The following EPB41 variants were observed in gnomAD, a reference collection of about 807,000 sequenced individuals.
The protein encoded by EPB41 is protein 4.1.
A neutral mutation model predicts 108.0 loss-of-function variants in EPB41; 65 were observed. That is an observed-to-expected ratio of 0.60 (90% CI 0.49 to 0.74). The LOEUF (loss-of-function observed/expected upper bound fraction) is 0.74. Ranked by LOEUF, EPB41 falls within the 30% of genes least tolerant of loss-of-function variation. EPB41 has a pLI of 0.00. For missense variants in EPB41, 875 were observed against 1,037.0 expected (o/e 0.84, Z 2.15); for synonymous variants, 336 against 358.9 (o/e 0.94, Z 0.72).
chr1:29,113,098 G>A (rs1669755712), intron 19 of EPB41, among the ~76,000 whole-genome samples: 2 of 152,166 alleles, frequency 1.3e-5, no homozygotes, highest in African/African-American at 4.8e-5. Flanking sequence ...GGTTGATCTA[G>A]ATAATTTCTG....
rs1440696341 is a variant in EPB41, at chr1:29,085,143, T to TC, written c.2185-12664_2185-12663insC. ...AGTTTTGGAAATACTTTGATCTTCT[T>TC]TTTTTTTTTTTTTTTTTTGAGTTGG... On this transcript the variant is annotated intron_variant, in intron 16 of 20. Coordinates refer to ENST00000343067, the MANE Select transcript of EPB41 (RefSeq NM_001376013.1). Among the ~76,000 whole-genome samples the TC allele has an allele frequency of 8.5e-5, 12 of 141,424 alleles. 1 individual carries two copies. The highest frequency in any genetic ancestry group is 2.1e-4 in the Admixed American group (3 of 14,072). 92.8% of individuals were successfully genotyped at this position (141,424 alleles called of 152,430 possible). A position where few individuals can be genotyped will look rare whatever the true frequency, so the allele number is the denominator to read the frequency against.
intron 4 of EPB41, among the ~76,000 whole-genome samples, chr1:28,999,482 T>TG (rs1166701249): frequency 6.6e-6 from 1 of 152,194 alleles, no homozygotes; most frequent in African/African-American, 2.4e-5. Flanking sequence ...AGTTACATTG[T>TG]GGGGAAAAAA....
rs1199703346 is a variant in EPB41, at chr1:28,993,341, A to G, written c.480A>G (p.Glu160=). 1 of 1,612,558 alleles carries G rather than the reference A, an allele frequency of 6.2e-7. No individual in the cohort carries two copies. The highest frequency in any genetic ancestry group is 8.5e-7 in the Non-Finnish European group (1 of 1,179,944). Residue 160 remains glutamate, a synonymous_variant, in exon 3 of 21, where the codon GAA becomes GAG. Coordinates refer to ENST00000343067, the MANE Select transcript of EPB41 (RefSeq NM_001376013.1). ...TCATGGATATGTAGCCTGCTCAGGA[A>G]GAACTCAGAGAAGATCCAGATTTTG... ...LSSAETQPAQ[E]ELREDPDFEI... is the part of the protein sequence containing the mutation.
chr1:28,935,438 A>AACACACACACACACAC (rs375817878), intron 1 of EPB41, among the ~76,000 whole-genome samples: 6 of 52,110 alleles, frequency 1.2e-4, no homozygotes, highest in East Asian at 1.3e-3. Context: ...CCTGTCTCAA[A>AACACACACACACACAC]ACACACACAC....
At chr1:29,063,688 G>A (rs569146331) in intron 15 of EPB41, among the ~76,000 whole-genome samples, 2 of 152,254 alleles carry the variant, frequency 1.3e-5, no homozygotes, top group African/African-American at 2.4e-5. Flanking sequence ...AGCATATTAG[G>A]AGATGTATTT....
intron 18 of EPB41, among the ~76,000 whole-genome samples, chr1:29,110,154 A>G (rs2151688911): frequency 6.7e-6 from 1 of 149,976 alleles, no homozygotes; most frequent in South Asian, 2.1e-4. Flanking sequence ...TTGGCAACAT[A>G]GTGAAACCTC....
intron 11 of EPB41, among the ~76,000 whole-genome samples, chr1:29,042,501 C>T (rs909465051): frequency 2.6e-5 from 4 of 151,794 alleles, no homozygotes; most frequent in African/African-American, 9.7e-5. Context: ...TTTTTTGAGA[C>T]AGAGCCTCAC....
chr1:28,951,396 A>ACG (rs2094716086), intron 1 of EPB41, among the ~76,000 whole-genome samples: 1 of 143,576 alleles, frequency 7.0e-6, no homozygotes. Flanking sequence ...ACACACACAC[A>ACG]AATGTGATGT....
intron 15 of EPB41, among the ~76,000 whole-genome samples, chr1:29,061,568 C>CTTT (rs1216571057): frequency 2.2e-5 from 2 of 89,902 alleles, no homozygotes; most frequent in African/African-American, 4.3e-5. Flanking sequence ...TGCGCCTGGC[C>CTTT]TTTGTTTTTT....
chr1:29,108,028 C>CAA (rs1174568864), intron 17 of EPB41, among the ~76,000 whole-genome samples: 625 of 44,184 alleles, frequency 0.014, 17 homozygotes, highest in Non-Finnish European at 0.021. Flanking sequence ...GACTCCATCT[C>CAA]AAAAAAAAAA....
chr1:28,932,810 A>C (rs2093817642), intron 1 of EPB41, among the ~76,000 whole-genome samples: 1 of 152,178 alleles, frequency 6.6e-6, no homozygotes, highest in Non-Finnish European at 1.5e-5. Flanking sequence ...ATTTGTCATT[A>C]ATATTATTCG....
intron 4 of EPB41, among the ~76,000 whole-genome samples, chr1:28,999,896 A>G (rs1185302670): frequency 6.6e-6 from 1 of 151,690 alleles, no homozygotes; most frequent in Non-Finnish European, 1.5e-5. Flanking sequence ...CGATCCTCCC[A>G]CCTCAGTCTT....
rs141044517 is a variant in EPB41, at chr1:28,900,380, C to T, written c.-8+13170C>T. On this transcript the variant is annotated intron_variant, in intron 1 of 16. Coordinates refer to the EPB41 transcript ENST00000347529. ...TCGGGTTACTGCAACCTCTGCCTCC[C>T]AGGTTCAAGCAAACCTCCAACCTCA... Among the ~76,000 whole-genome samples, 336 of 151,718 alleles carry T rather than the reference C, an allele frequency of 2.2e-3. 2 individuals are homozygous for T. Among genetic ancestry groups the T allele is most frequent in the African/African-American group, 7.4e-3 (306 of 41,324 alleles).
chr1:28,911,538 G>A (rs1273221389), upstream of EPB41, among the ~76,000 whole-genome samples: 1 of 152,174 alleles, frequency 6.6e-6, no homozygotes, highest in African/African-American at 2.4e-5. Context: ...AGAGAATACT[G>A]GGCTTTCATG....
intron 16 of EPB41, among the ~76,000 whole-genome samples, chr1:29,083,412 A>G (rs1240488881): frequency 6.6e-6 from 1 of 152,160 alleles, no homozygotes; most frequent in Non-Finnish European, 1.5e-5. Flanking sequence ...GTACAAAACT[A>G]TTATTTACAA....
intron 10 of EPB41, 92 bp from the exon 11 acceptor site, chr1:29,039,162 A>C: frequency 7.1e-7 from 1 of 1,402,048 alleles, no homozygotes; most frequent in Non-Finnish European, 9.8e-7. Flanking sequence ...GAATTGTGAA[A>C]CTTTTTTATT....
intron 12 of EPB41, among the ~76,000 whole-genome samples, chr1:29,057,398 A>C (rs1645723940): frequency 6.8e-6 from 1 of 148,032 alleles, no homozygotes; most frequent in Non-Finnish European, 1.5e-5. Flanking sequence ...AAAAAAAAAG[A>C]AAAAGAAATA....
chr1:28,887,504 T>C lies in EPB41; in HGVS notation c.-8+294T>C, dbSNP rs1036327153. 6.8e-5 allele frequency: 67 copies of C among 984,952 alleles called. No individual in the cohort carries two copies. The highest frequency in any genetic ancestry group is 8.0e-5 in the Non-Finnish European group (66 of 829,826). The allele number at this position is 984,952 out of a possible 1,614,324, so 61.0% of individuals were successfully genotyped here. On this transcript the variant is annotated intron_variant, in intron 1 of 16. Transcript: ENST00000347529. The surrounding 1 kb of genome is among the most constrained non-coding windows in gnomAD (Gnocchi z 4.9). ...CCGGGTCCGGCCGGTCCTGGCTGTC[T>C]GGGGCGGGGGTCCTGCATTCGGTGT...
chr1:29,056,753 T>C (rs1433249136), intron 12 of EPB41, among the ~76,000 whole-genome samples: 1 of 152,078 alleles, frequency 6.6e-6, no homozygotes, highest in Non-Finnish European at 1.5e-5. Context: ...CTCGAACTCC[T>C]GATCTCAGGT....
Sources: allele counts gnomAD v4.1 joint callset (sites outside exome capture counted in the v4.1 genomes callset), GRCh38; gene constraint gnomAD v4.1.1; non-coding constraint Gnocchi (gnomAD v3.1); transcripts MANE v1.5; gene names NCBI Gene and HGNC (gene_info 2026-07-23, HGNC 2026-07-21).